Variants in ZNF385D observed in about 807,000 individuals in gnomAD.
ZNF385D encodes the protein zinc finger protein 659.
In ZNF385D, 15 loss-of-function variants were observed where a neutral mutation model predicts 35.8. The observed-to-expected ratio is 0.42, with a 90% CI of 0.28 to 0.64. ZNF385D has a LOEUF of 0.64. ZNF385D is among the 30% of genes least tolerant of loss of function. The probability of loss-of-function intolerance (pLI) is 0.23; values close to 1 mark genes in which losing one functional copy is unlikely to be tolerated. For missense variants in ZNF385D, 474 were observed against 494.6 expected, an observed-to-expected ratio of 0.96 and a Z score of 0.39; for synonymous variants, 212 against 186.8, an observed-to-expected ratio of 1.13 and a Z score of -1.10.
chr3:21,667,729 GAAGTT>G (rs2066449897), intron 1 of ZNF385D, among the ~76,000 whole-genome samples: 1 of 152,168 alleles, frequency 6.6e-6, no homozygotes, highest in Non-Finnish European at 1.5e-5. Context: ...GGTATCCAAA[GAAGTT>G]AAGGAATAGC....
chr3:21,755,168 T>C (rs1300130514), upstream of ZNF385D, among the ~76,000 whole-genome samples: 1 of 152,224 alleles, frequency 6.6e-6, no homozygotes, highest in Non-Finnish European at 1.5e-5. Flanking sequence ...TGCCTCGCCC[T>C]TGGCTTTAGT....
chr3:21,568,382 T>C (rs759347238), intron 2 of ZNF385D, among the ~76,000 whole-genome samples: 4 of 152,214 alleles, frequency 2.6e-5, no homozygotes, highest in Admixed American at 6.5e-5. Flanking sequence ...TAAACTTATC[T>C]TTATTTACTA....
intron 3 of ZNF385D, among the ~76,000 whole-genome samples, chr3:22,105,505 G>T (rs1400610213): frequency 1.3e-5 from 2 of 152,106 alleles, no homozygotes; most frequent in African/African-American, 2.4e-5. Flanking sequence ...AGGCTGAGAA[G>T]TCCCACAGTC....
At chr3:22,026,180 T>A (rs1216880308) in intron 3 of ZNF385D, among the ~76,000 whole-genome samples, 1 of 152,136 alleles carries the variant, frequency 6.6e-6, no homozygotes, top group Non-Finnish European at 1.5e-5. Context: ...CAGAAAAAAA[T>A]TCTAGGTCAA....
chr3:21,866,856 C>A (rs1273507269), intron 3 of ZNF385D, among the ~76,000 whole-genome samples: 1 of 152,102 alleles, frequency 6.6e-6, no homozygotes, highest in African/African-American at 2.4e-5. Context: ...CTGCCTAGGG[C>A]CCACATCTTT....
chr3:21,590,931 C>T (rs1442669111), intron 2 of ZNF385D, among the ~76,000 whole-genome samples: 1 of 152,060 alleles, frequency 6.6e-6, no homozygotes, highest in Non-Finnish European at 1.5e-5. Context: ...CGCAACTTCT[C>T]ACTCCTATAC....
At chr3:21,871,860 G>C (rs571247893) in intron 3 of ZNF385D, among the ~76,000 whole-genome samples, 327 of 151,932 alleles carry the variant, frequency 2.2e-3, no homozygotes, top group Middle Eastern at 0.014. Flanking sequence ...ACAAAAATTA[G>C]CCGACAGGCG....
chr3:21,689,952 C>A (rs1404214377), intron 1 of ZNF385D, among the ~76,000 whole-genome samples: 1 of 150,180 alleles, frequency 6.7e-6, no homozygotes, highest in Non-Finnish European at 1.5e-5. Flanking sequence ...TTGAATGAGA[C>A]TTTACAACTC....
intron 2 of ZNF385D, among the ~76,000 whole-genome samples, chr3:22,371,280 C>T (rs888052749): frequency 2.6e-5 from 4 of 152,152 alleles, no homozygotes; most frequent in African/African-American, 9.7e-5. Context: ...ACCTGAAAGG[C>T]ACATTTCACA....
At chr3:21,566,027 G>GACTT (rs1196438365) in intron 2 of ZNF385D, among the ~76,000 whole-genome samples, 3 of 152,168 alleles carry the variant, frequency 2.0e-5, no homozygotes, top group Non-Finnish European at 1.5e-5. Context: ...GAAAGTTTCT[G>GACTT]ACTTCTTTGT....
At chr3:22,080,435 C>T (rs1420504348) in intron 3 of ZNF385D, among the ~76,000 whole-genome samples, 1 of 151,884 alleles carries the variant, frequency 6.6e-6, no homozygotes, top group Admixed American at 6.6e-5. Context: ...CTGTTTTCAC[C>T]CCATATTTTG....
intron 4 of ZNF385D, among the ~76,000 whole-genome samples, chr3:21,441,182 A>G (rs1484335068): frequency 6.6e-6 from 1 of 152,166 alleles, no homozygotes; most frequent in Non-Finnish European, 1.5e-5. Flanking sequence ...ATTCTTTGCT[A>G]TATTCTTGCA....
intron 2 of ZNF385D, among the ~76,000 whole-genome samples, chr3:22,214,279 A>T (rs912331303): frequency 2.0e-5 from 3 of 152,050 alleles, no homozygotes; most frequent in Non-Finnish European, 4.4e-5. Flanking sequence ...TCTTTACTTT[A>T]ATCTTTTAGT....
intron 3 of ZNF385D, among the ~76,000 whole-genome samples, chr3:21,849,032 T>A (rs1427548391): frequency 6.6e-6 from 1 of 152,116 alleles, no homozygotes; most frequent in Non-Finnish European, 1.5e-5. Context: ...AAGCACTACT[T>A]CTACGTGGTC....
chr3:22,038,013 C>T (rs553274248), intron 3 of ZNF385D, among the ~76,000 whole-genome samples: 3 of 152,046 alleles, frequency 2.0e-5, no homozygotes, highest in Non-Finnish European at 4.4e-5. Flanking sequence ...GCTGGGAAAA[C>T]TGGCTAGCCA....
intron 3 of ZNF385D, among the ~76,000 whole-genome samples, chr3:21,547,431 A>G (rs56335206): frequency 0.14 from 20,684 of 151,764 alleles, 1,469 homozygotes; most frequent in Non-Finnish European, 0.15. Context: ...TGCCTTCAGG[A>G]CATCAAACTC....
intron 3 of ZNF385D, among the ~76,000 whole-genome samples, chr3:21,788,874 G>A (rs2071807192): frequency 6.6e-6 from 1 of 152,160 alleles, no homozygotes; most frequent in Non-Finnish European, 1.5e-5. Context: ...ATGAGACGCT[G>A]TGCTATAACA....
intron 3 of ZNF385D, among the ~76,000 whole-genome samples, chr3:21,822,157 T>C (rs754689272): frequency 6.6e-5 from 10 of 152,030 alleles, no homozygotes; most frequent in Admixed American, 4.6e-4. Context: ...CTGTAAGCTC[T>C]GCCTCCTGGA....
intron 2 of ZNF385D, among the ~76,000 whole-genome samples, chr3:22,226,476 T>C (rs1021342661): frequency 6.6e-6 from 1 of 152,226 alleles, no homozygotes; most frequent in Non-Finnish European, 1.5e-5. Flanking sequence ...TCTTCCAAAG[T>C]TCAGCTGTTT....
Sources: gnomAD v4.1 joint callset for allele counts (sites outside exome capture counted in the v4.1 genomes callset) on GRCh38, gnomAD v4.1.1 for gene constraint, MANE v1.5 for transcripts, NCBI Gene and HGNC (gene_info 2026-07-23, HGNC 2026-07-21) for gene names.